The following MBTD1 variants were observed in gnomAD, a reference collection of about 807,000 sequenced individuals.
MBTD1 encodes the protein MBT domain-containing protein 1.
MBTD1 carries 24 observed loss-of-function variants against 87.8 expected under a neutral mutation model. The ratio of observed to expected loss-of-function variants is 0.27; its 90% CI spans 0.20 to 0.38. The LOEUF (loss-of-function observed/expected upper bound fraction) is 0.38. MBTD1 is among the 10% of genes least tolerant of loss of function. The pLI, the probability that MBTD1 is intolerant of heterozygous loss-of-function variation, is 1.00. For missense variants in MBTD1, 436 were observed against 760.2 expected, an observed-to-expected ratio of 0.57 and a Z score of 5.02; for synonymous variants, 237 against 248.6, an observed-to-expected ratio of 0.95 and a Z score of 0.44.
At chr17:51,244,720 T>C (rs1426148509) in intron 2 of MBTD1, among the ~76,000 whole-genome samples, 2 of 150,660 alleles carry the variant, frequency 1.3e-5, no homozygotes, top group Admixed American at 6.6e-5. Flanking sequence ...CTGTGTCCTT[T>C]TGACATACTT....
intron 2 of MBTD1, among the ~76,000 whole-genome samples, chr17:51,245,947 C>T (rs1382822191): frequency 2.0e-5 from 3 of 152,130 alleles, no homozygotes; most frequent in African/African-American, 4.8e-5. Context: ...GAAAAAGTGA[C>T]ATTTTGATAT....
At position 51,179,659 on chromosome 17, in the gene MBTD1, T is replaced by A. The variant is rs545451855; in HGVS notation, c.*917A>T. 1 of 151,358 alleles carries A rather than the reference T, an allele frequency of 6.6e-6. No homozygotes were observed. The highest frequency in any genetic ancestry group is 2.1e-4 in the South Asian group (1 of 4,804). 9.4% of individuals were successfully genotyped at this position (151,358 alleles called of 1,614,324 possible). On this transcript the variant is annotated 3_prime_UTR_variant, in exon 17 of 17. Coordinates refer to ENST00000586178, the MANE Select transcript of MBTD1 (RefSeq NM_017643.3). ...ATTTTGGCTTTGAATAACTTTCAAT[T>A]CGATTCTCCTAATACAGAACATCTG... is the stretch of plus-strand genomic sequence containing the variant.
intron 6 of MBTD1, among the ~76,000 whole-genome samples, chr17:51,208,504 G>A (rs1044399363): frequency 2.6e-5 from 4 of 152,180 alleles, no homozygotes; most frequent in African/African-American, 9.7e-5. Flanking sequence ...TTAAAAAGGA[G>A]ACACTAGAAA....
intron 2 of MBTD1, among the ~76,000 whole-genome samples, chr17:51,254,164 C>T (rs1037109567): frequency 6.6e-6 from 1 of 152,120 alleles, no homozygotes; most frequent in Non-Finnish European, 1.5e-5. Context: ...AAGTAGTAAA[C>T]AGAGATTAAT....
chr17:51,179,519 T>TTCC lies in MBTD1; in HGVS notation c.*1056_*1057insGGA, dbSNP rs1176103046. The TTCC allele has an allele frequency of 2.9e-5, 3 of 103,402 alleles. No individual in the cohort carries two copies. The highest frequency in any genetic ancestry group is 4.1e-5 in the Non-Finnish European group (2 of 49,308). 6.4% of individuals were successfully genotyped at this position (103,402 alleles called of 1,614,324 possible). A position where few individuals can be genotyped will look rare whatever the true frequency, so the allele number is the denominator to read the frequency against. On this transcript the variant is annotated 3_prime_UTR_variant, in exon 17 of 17. Coordinates refer to ENST00000586178, the MANE Select transcript of MBTD1 (RefSeq NM_017643.3). ...ATATATATATATATATATATATATATATATATATATATATATATGGAATTT... is the reference window on the plus strand; with the variant it reads ...ATATATATATATATATATATATATATTCCATATATATATATATATATGGAATTT...
chr17:51,196,914 C>G (rs2051140732), intron 12 of MBTD1, among the ~76,000 whole-genome samples: 1 of 150,776 alleles, frequency 6.6e-6, no homozygotes, highest in South Asian at 2.1e-4. Flanking sequence ...ATTTTTTTTC[C>G]TTTGAAATAG....
chr17:51,258,128 AGAG>A (rs1488989649), intron 2 of MBTD1, among the ~76,000 whole-genome samples: 4 of 152,200 alleles, frequency 2.6e-5, no homozygotes, highest in Non-Finnish European at 4.4e-5. Flanking sequence ...CTAAGTTATA[AGAG>A]GAGGAGAGAA....
chr17:51,220,922 C>T (rs966533672), intron 3 of MBTD1, among the ~76,000 whole-genome samples: 1 of 152,090 alleles, frequency 6.6e-6, no homozygotes, highest in Admixed American at 6.6e-5. Context: ...AGAGGTAATA[C>T]TTGGAAAAAT....
intron 12 of MBTD1, among the ~76,000 whole-genome samples, chr17:51,200,379 G>GT (rs2051391629): frequency 6.6e-6 from 1 of 150,884 alleles, no homozygotes; most frequent in South Asian, 2.1e-4. Flanking sequence ...CTGGGCAACA[G>GT]TGAGACCCCA....
intron 3 of MBTD1, among the ~76,000 whole-genome samples, chr17:51,222,325 T>C (rs143028943): frequency 1.2e-3 from 177 of 152,356 alleles, no homozygotes; most frequent in African/African-American, 4.0e-3. Context: ...CTAACACATT[T>C]GATAAAATCT....
chr17:51,193,167 A>T, intron 14 of MBTD1, 151 bp from the exon 15 acceptor site: 1 of 636,404 alleles, frequency 1.6e-6, no homozygotes, highest in South Asian at 2.1e-5. Context: ...ATTTAAACAT[A>T]GTACGAAGGT....
At chr17:51,241,114 G>C (rs1315113951) in intron 2 of MBTD1, among the ~76,000 whole-genome samples, 3 of 151,968 alleles carry the variant, frequency 2.0e-5, no homozygotes, top group Non-Finnish European at 4.4e-5. Flanking sequence ...GAATAGCTAG[G>C]ATTACACGTG....
chr17:51,223,405 A>T (rs1044156563), intron 3 of MBTD1, among the ~76,000 whole-genome samples: 2 of 151,800 alleles, frequency 1.3e-5, no homozygotes, highest in South Asian at 2.1e-4. Context: ...GTATGGTAGC[A>T]TGTGCCTACA....
chr17:51,194,927 C>T (rs751957090), intron 13 of MBTD1, among the ~76,000 whole-genome samples: 5 of 151,996 alleles, frequency 3.3e-5, no homozygotes, highest in Non-Finnish European at 7.4e-5. Flanking sequence ...TATGCCATAG[C>T]CTGTTGAGCC....
chr17:51,203,129 C>T lies in MBTD1; in HGVS notation c.828+11G>A, dbSNP rs538934637. 1.4e-4 allele frequency: 216 copies of T among 1,591,496 alleles called. No individual in the cohort carries two copies. In the South Asian group the frequency reaches 2.3e-3, roughly 17 times the overall value. On this transcript the variant is annotated intron_variant, in intron 9 of 16. Coordinates refer to ENST00000586178, the MANE Select transcript of MBTD1 (RefSeq NM_017643.3). ...AGAGCTCTTCAGTCTTTATAAGATCCTGTTTTTTACCTTTTGGGAGAAATC... is the reference window on the plus strand; with the variant it reads ...AGAGCTCTTCAGTCTTTATAAGATCTTGTTTTTTACCTTTTGGGAGAAATC...
chr17:51,201,712 A>G lies in MBTD1; in HGVS notation c.1120-16T>C. ...CTTCTTTTACCTAAAGAATTATATG[A>G]AAGCACATCTACTGTTACAAATGTT... On this transcript the variant is annotated splice_polypyrimidine_tract_variant and intron_variant, in intron 11 of 16. Coordinates refer to ENST00000586178, the MANE Select transcript of MBTD1 (RefSeq NM_017643.3). The G allele has an allele frequency of 1.4e-6, 2 of 1,413,464 alleles. No homozygotes were observed. The highest frequency in any genetic ancestry group is 2.0e-6 in the Non-Finnish European group (2 of 1,002,416). The allele number at this position is 1,413,464 out of a possible 1,614,324, so 87.6% of individuals were successfully genotyped here.
At chr17:51,259,745 G>C (rs2055354537) in intron 1 of MBTD1, 90 bp downstream of exon 1, 3 of 1,163,690 alleles carry the variant, frequency 2.6e-6, no homozygotes, top group Non-Finnish European at 3.2e-6. Flanking sequence ...CAGGGAGCGG[G>C]GTCAGGGAGC....
chr17:51,240,892 T>C (rs565021913), intron 2 of MBTD1, among the ~76,000 whole-genome samples: 14 of 152,320 alleles, frequency 9.2e-5, no homozygotes, highest in Admixed American at 1.3e-4. Context: ...AGGATTATAC[T>C]TAGGTTGCAC....
intron 2 of MBTD1, among the ~76,000 whole-genome samples, chr17:51,227,124 C>T (rs919619934): frequency 6.6e-5 from 10 of 151,716 alleles, no homozygotes; most frequent in African/African-American, 2.4e-4. Context: ...TGCCTGTAGT[C>T]CCAGCTACTG....
Sources: gnomAD v4.1 joint callset for allele counts (sites outside exome capture counted in the v4.1 genomes callset) on GRCh38, gnomAD v4.1.1 for gene constraint, MANE v1.5 for transcripts, NCBI Gene and HGNC (gene_info 2026-07-23, HGNC 2026-07-21) for gene names.